Variants in PITPNM3 observed in about 807,000 individuals in gnomAD.
PITPNM3 encodes PITPNM family member 3, also known as membrane-associated phosphatidylinositol transfer protein 3.
A neutral mutation model predicts 102.0 loss-of-function variants in PITPNM3; 26 were observed. The observed-to-expected ratio is 0.25, with a 90% CI of 0.19 to 0.35. The LOEUF (loss-of-function observed/expected upper bound fraction) is 0.35. PITPNM3 is among the 10% of genes least tolerant of loss of function. The probability of loss-of-function intolerance (pLI) is 1.00; values close to 1 mark genes in which losing one functional copy is unlikely to be tolerated. For synonymous variants in PITPNM3, 578 were observed against 558.6 expected (o/e 1.03, Z -0.49); for missense variants, 1,083 against 1,346.1 (o/e 0.80, Z 3.06).
At chr17:6,532,292 T>C (rs34457442) in intron 2 of PITPNM3, among the ~76,000 whole-genome samples, 49,701 of 151,890 alleles carry the variant, frequency 0.33, 8,569 homozygotes, top group Middle Eastern at 0.43. Context: ...CCTTTTATGT[T>C]ATATGGTGGG....
In PITPNM3 at chr17:6,511,537, G is replaced by A. The variant is rs139539906; in HGVS notation, c.227-7963C>T. ...TCAGGGCCCAGTGTAAAATGAAAAT[G>A]TGGGTCCCTTTGTTCAAACTAATTA... On this transcript the variant is annotated intron_variant, in intron 3 of 19. Transcript: ENST00000262483. 1.8e-3 allele frequency among the ~76,000 whole-genome samples: 278 copies of A among 152,304 alleles called. 1 individual carries two copies. Among genetic ancestry groups the A allele is most frequent in the African/African-American group, 6.4e-3 (265 of 41,586 alleles).
intron 5 of PITPNM3, 75 bp downstream of exon 5, chr17:6,484,141 G>A (rs1007325257): frequency 2.8e-5 from 41 of 1,457,312 alleles, no homozygotes; most frequent in South Asian, 1.5e-4. Flanking sequence ...AAACGAGGCC[G>A]CCTATGATCC....
intron 3 of PITPNM3, among the ~76,000 whole-genome samples, chr17:6,520,687 G>A (rs1422660734): frequency 6.6e-6 from 1 of 152,206 alleles, no homozygotes; most frequent in Non-Finnish European, 1.5e-5. Flanking sequence ...TATTTATAAT[G>A]TTTGTAGCAG....
chr17:6,518,656 T>C (rs1908319139), intron 3 of PITPNM3, among the ~76,000 whole-genome samples: 1 of 151,864 alleles, frequency 6.6e-6, no homozygotes, highest in Non-Finnish European at 1.5e-5. Context: ...CGGTAGACAA[T>C]AGAACTGATT....
chr17:6,464,514 G>T, intron 15 of PITPNM3, 141 bp downstream of exon 15: 1 of 1,072,974 alleles, frequency 9.3e-7, no homozygotes, highest in Non-Finnish European at 1.4e-6. Flanking sequence ...GCCCGCCCAA[G>T]CAGGTGGGTA....
chr17:6,503,672 T>G, intron 3 of PITPNM3, 98 bp from the exon 4 acceptor site: 1 of 1,251,714 alleles, frequency 8.0e-7, no homozygotes, highest in Non-Finnish European at 1.1e-6. Context: ...TGACCCTCAC[T>G]CTAGAGCTTG....
intron 1 of PITPNM3, among the ~76,000 whole-genome samples, chr17:6,539,190 T>G (rs1909604966): frequency 6.6e-6 from 1 of 150,770 alleles, no homozygotes; most frequent in Non-Finnish European, 1.5e-5. Context: ...ACAAGGCTGA[T>G]TCCCTAAGCT....
chr17:6,474,398 A>G (rs774819432), intron 10 of PITPNM3, 34 bp downstream of exon 10: 16 of 1,607,418 alleles, frequency 1.0e-5, no homozygotes, highest in East Asian at 2.2e-5. Flanking sequence ...AGTGACGCAC[A>G]GGCACCTCAG....
intron 3 of PITPNM3, among the ~76,000 whole-genome samples, chr17:6,512,015 C>T (rs910446993): frequency 1.3e-5 from 2 of 152,146 alleles, no homozygotes; most frequent in African/African-American, 4.8e-5. Context: ...GTGAAAAATA[C>T]AGAAGCAAAG....
In PITPNM3 at chr17:6,471,365, G is replaced by T; in HGVS notation, c.1430-10C>A. ...GTGTGTAGGGCATCAGCTGGAGGGG[G>T]AATTTCAAGGTCAGGCTGAGTCACG... On this transcript the variant is annotated splice_polypyrimidine_tract_variant and intron_variant, in intron 11 of 19. Coordinates refer to ENST00000262483, the MANE Select transcript of PITPNM3 (RefSeq NM_031220.4). 6.4e-7 allele frequency: 1 copy of T among 1,573,810 alleles called. No individual in the cohort carries two copies. Among genetic ancestry groups the T allele is most frequent in the Non-Finnish European group, 8.6e-7 (1 of 1,161,958 alleles).
In PITPNM3 at chr17:6,472,814, A is replaced by T; in HGVS notation, c.1272T>A (p.Arg424=). The stretch of plus-strand genomic sequence containing the variant: ...AGCTGTAGACCTGGCTGCAGGCAGG[A>T]CGCACCTGGAAGCCTGGGGTGAGTG... The part of the protein sequence containing the change: ...VLPGLDGFQV[R]PACSQVYSFF... The change falls in exon 11 of 20, where the codon CGT becomes CGA. Residue 424 remains arginine (R), a synonymous_variant. Transcript: ENST00000262483. This position sits in a 1 kb window ranked among gnomAD's most constrained non-coding sequence, Gnocchi z 4.1. 6.2e-7 allele frequency: 1 copy of T among 1,614,050 alleles called. No homozygotes were observed. Among genetic ancestry groups the T allele is most frequent in the East Asian group, 2.2e-5 (1 of 44,870 alleles).
chr17:6,539,645 T>C (rs1909631964), intron 1 of PITPNM3, among the ~76,000 whole-genome samples: 2 of 152,172 alleles, frequency 1.3e-5, no homozygotes, highest in South Asian at 4.1e-4. Flanking sequence ...TATATAAAAA[T>C]TTCTGTGATT....
In PITPNM3 at chr17:6,464,292, T is replaced by C; in HGVS notation, c.2034A>G (p.Pro678=). The C allele has an allele frequency of 6.2e-7, 1 of 1,614,004 alleles. No individual in the cohort carries two copies. The highest frequency in any genetic ancestry group is 2.2e-5 in the East Asian group (1 of 44,870). Reference sequence around the variant, plus strand: ...CCAGGTGTACCCAGCGGCCTGAGGATGGCTCTGCCATTACTAGGATGTCCA... The same window carrying C: ...CCAGGTGTACCCAGCGGCCTGAGGACGGCTCTGCCATTACTAGGATGTCCA... ...EKVDILVMAE[P]SSGRWVHLDT... is the part of the protein sequence containing the mutation. Residue 678 remains proline, a synonymous_variant, in exon 16 of 20, where the codon CCA becomes CCG. Coordinates refer to ENST00000262483, the MANE Select transcript of PITPNM3 (RefSeq NM_031220.4).
At chr17:6,501,979 T>C (rs1907207076) in intron 4 of PITPNM3, among the ~76,000 whole-genome samples, 1 of 152,136 alleles carries the variant, frequency 6.6e-6, no homozygotes, top group Non-Finnish European at 1.5e-5. Context: ...CTGAGCTCAG[T>C]TCCTTACACC....
intron 1 of PITPNM3, among the ~76,000 whole-genome samples, chr17:6,545,855 CT>C (rs1223662881): frequency 6.6e-6 from 1 of 152,216 alleles, no homozygotes; most frequent in East Asian, 1.9e-4. Flanking sequence ...TGGGTTCCCC[CT>C]GAGCAGACAC....
intron 4 of PITPNM3, among the ~76,000 whole-genome samples, chr17:6,501,930 C>T (rs902197899): frequency 2.0e-5 from 3 of 152,196 alleles, no homozygotes; most frequent in African/African-American, 7.2e-5. Context: ...CACCTCTACA[C>T]TAAAGACCCA....
chr17:6,466,119 G>A (rs1368325436), intron 14 of PITPNM3, among the ~76,000 whole-genome samples: 1 of 152,138 alleles, frequency 6.6e-6, no homozygotes, highest in African/African-American at 2.4e-5. Context: ...TTTCTGCCAG[G>A]CTCTGCAGCA....
intron 1 of PITPNM3, among the ~76,000 whole-genome samples, chr17:6,544,034 A>G (rs550460093): frequency 6.6e-6 from 1 of 152,330 alleles, no homozygotes; most frequent in Admixed American, 6.5e-5. Context: ...AGGGACATTC[A>G]GATAACACGT....
Position 6,493,316 on chromosome 17 carries a change from G to A in PITPNM3, c.275-9024C>T, listed in dbSNP as rs542722275. Among the ~76,000 whole-genome samples the A allele has an allele frequency of 2.0e-5, 3 of 152,336 alleles. No individual in the cohort carries two copies. In the South Asian group the frequency reaches 6.2e-4, roughly 32 times the overall value. On this transcript the variant is annotated intron_variant, in intron 4 of 19. Transcript: ENST00000262483. ...CCAATAACAGAGCAGGAAAGCTATA[G>A]AAAGGGGCTCAGGAGGTTGAGAGAC...
Sources: gnomAD v4.1 joint callset for allele counts (sites outside exome capture counted in the v4.1 genomes callset) on GRCh38, gnomAD v4.1.1 for gene constraint, Gnocchi (gnomAD v3.1) non-coding constraint, MANE v1.5 for transcripts, NCBI Gene and HGNC (gene_info 2026-07-23, HGNC 2026-07-21) for gene names.